Variants in GNAQ observed in about 807,000 individuals in gnomAD.
The protein encoded by GNAQ is guanine nucleotide-binding protein G(q) subunit alpha.
GNAQ carries 8 observed loss-of-function variants against 43.9 expected under a neutral mutation model. The ratio of observed to expected loss-of-function variants is 0.18; its 90% CI spans 0.11 to 0.33. GNAQ has a LOEUF of 0.33. GNAQ is among the 10% of genes least tolerant of loss of function. The probability of loss-of-function intolerance (pLI) is 1.00; values close to 1 mark genes in which losing one functional copy is unlikely to be tolerated. For missense variants in GNAQ, 158 were observed against 450.8 expected (o/e 0.35, Z 5.88); for synonymous variants, 155 against 170.7 (o/e 0.91, Z 0.71).
At chr9:77,902,259 C>T (rs1367798071) in intron 2 of GNAQ, among the ~76,000 whole-genome samples, 3 of 152,172 alleles carry the variant, frequency 2.0e-5, no homozygotes, top group Non-Finnish European at 4.4e-5. Context: ...ATTTTGTTTG[C>T]TTTTCACTTG....
intron 3 of GNAQ, among the ~76,000 whole-genome samples, chr9:77,810,086 G>T (rs1006005816): frequency 6.6e-6 from 1 of 152,060 alleles, no homozygotes; most frequent in Non-Finnish European, 1.5e-5. Context: ...GACAATGTTG[G>T]TAAAGATTAA....
chr9:77,722,077 C>T (rs2118193449), intron 6 of GNAQ, among the ~76,000 whole-genome samples: 1 of 152,126 alleles, frequency 6.6e-6, no homozygotes, highest in East Asian at 1.9e-4. Flanking sequence ...TTTCTGAGCA[C>T]ACTACATTTG....
At chr9:77,912,132 T>C (rs1480005880) in intron 2 of GNAQ, among the ~76,000 whole-genome samples, 1 of 152,222 alleles carries the variant, frequency 6.6e-6, no homozygotes, top group African/African-American at 2.4e-5. Flanking sequence ...GAGTGACTTC[T>C]ACTGCTGCCC....
intron 5 of GNAQ, among the ~76,000 whole-genome samples, chr9:77,755,281 G>A (rs1186089151): frequency 1.3e-5 from 2 of 152,092 alleles, no homozygotes; most frequent in African/African-American, 4.8e-5. Context: ...AATATAGTTA[G>A]ATAAAACGAA....
At chr9:77,922,982 G>A (rs961462310) in intron 1 of GNAQ, among the ~76,000 whole-genome samples, 3 of 151,746 alleles carry the variant, frequency 2.0e-5, no homozygotes, top group Admixed American at 2.0e-4. Flanking sequence ...CCCATAGCTG[G>A]AACTACAGGC....
At chr9:77,862,010 A>T (rs962847251) in intron 2 of GNAQ, among the ~76,000 whole-genome samples, 4 of 115,864 alleles carry the variant, frequency 3.5e-5, no homozygotes, top group East Asian at 2.4e-4. Context: ...GTCTGGGGTA[A>T]AAAAAAAAAA....
intron 1 of GNAQ, among the ~76,000 whole-genome samples, chr9:78,019,751 C>T (rs975135282): frequency 1.8e-4 from 28 of 151,738 alleles, no homozygotes; most frequent in Middle Eastern, 3.4e-3. Context: ...GGTGAAACCC[C>T]GTCTCTACTG....
chr9:77,837,526 C>A lies in GNAQ; in HGVS notation c.322-21756G>T, dbSNP rs140187859. Among the ~76,000 whole-genome samples the A allele has an allele frequency of 2.0e-3, 300 of 151,936 alleles. 1 individual carries two copies. The highest frequency in any genetic ancestry group is 2.8e-3 in the Non-Finnish European group (193 of 67,960). On this transcript the variant is annotated intron_variant, in intron 2 of 6. Transcript: ENST00000286548. ...CTGAGATTATGCCACTGCACTCTAG[C>A]CTGGGTGACAGAGTGAGACTCTGTC...
chr9:77,821,724 G>GGTGTGTGTGTGTGTGTGTGT (rs1554718670), intron 2 of GNAQ, among the ~76,000 whole-genome samples: 15 of 142,402 alleles, frequency 1.1e-4, no homozygotes, highest in African/African-American at 3.2e-4. Context: ...TCCTAGTATG[G>GGTGTGTGTGTGTGTGTGTGT]GTGTGTGTGT....
At chr9:77,973,983 C>A (rs923811915) in intron 1 of GNAQ, among the ~76,000 whole-genome samples, 1 of 152,106 alleles carries the variant, frequency 6.6e-6, no homozygotes, top group African/African-American at 2.4e-5. Flanking sequence ...TAGATTCTTA[C>A]AAAAACCTAG....
At chr9:77,745,767 G>GA (rs1437316887) in intron 5 of GNAQ, among the ~76,000 whole-genome samples, 1 of 151,018 alleles carries the variant, frequency 6.6e-6, no homozygotes, top group Non-Finnish European at 1.5e-5. Flanking sequence ...AATAAAAAAA[G>GA]AATTAGTCAA....
chr9:77,884,043 A>C (rs116610021), intron 2 of GNAQ, among the ~76,000 whole-genome samples: 1,632 of 152,370 alleles, frequency 0.011, 21 homozygotes, highest in African/African-American at 0.036. Flanking sequence ...CTCTAACTGC[A>C]GATAAAATCT....
chr9:77,968,473 A>G (rs977389616), intron 1 of GNAQ, among the ~76,000 whole-genome samples: 3 of 152,238 alleles, frequency 2.0e-5, no homozygotes, highest in East Asian at 3.8e-4. Context: ...TTTATTTACC[A>G]TACAGTTTCC....
intron 6 of GNAQ, among the ~76,000 whole-genome samples, chr9:77,724,894 T>A (rs968631): frequency 0.55 from 83,946 of 151,846 alleles, 26,782 homozygotes; most frequent in Non-Finnish European, 0.72. Context: ...ATATAATTAA[T>A]GTTCCATCTT....
intron 1 of GNAQ, among the ~76,000 whole-genome samples, chr9:77,934,220 C>A (rs887252726): frequency 1.3e-5 from 2 of 151,828 alleles, no homozygotes; most frequent in African/African-American, 4.8e-5. Flanking sequence ...TGAGGATGAG[C>A]GAATTGGCCT....
chr9:78,009,928 G>A (rs1640538953), intron 1 of GNAQ, among the ~76,000 whole-genome samples: 3 of 152,196 alleles, frequency 2.0e-5, no homozygotes. Flanking sequence ...GTGCAATGCT[G>A]TATCAAGAAA....
chr9:77,896,424 T>C lies in GNAQ; in HGVS notation c.321+25737A>G, dbSNP rs571033281. ...TCATTTATTCTACGTTTTAAAACTG[T>C]TTTACTGAAGTATTTCAGAGGAAGT... is the stretch of plus-strand genomic sequence containing the variant. On this transcript the variant is annotated intron_variant, in intron 2 of 6. Coordinates refer to ENST00000286548, the MANE Select transcript of GNAQ (RefSeq NM_002072.5). Among the ~76,000 whole-genome samples the C allele has an allele frequency of 2.0e-4, 31 of 152,336 alleles. 2 individuals are homozygous for C. In the South Asian group the frequency reaches 4.8e-3, roughly 23 times the overall value.
chr9:77,856,043 T>C (rs554387598), intron 2 of GNAQ, among the ~76,000 whole-genome samples: 11 of 152,150 alleles, frequency 7.2e-5, no homozygotes, highest in African/African-American at 2.4e-4. Context: ...TACCAACTAT[T>C]TGCTGAATGA....
At position 77,922,276 on chromosome 9, in the gene GNAQ, T is replaced by C; in HGVS notation, c.206A>G (p.Asp69Gly). ...CTTGGTGAAGCCCCTTTTATCTTCA[T>C]CAGAGTATCCTGACCCATGGATGAT... Reference protein sequence around the residue: ...MRIIHGSGYSDEDKRGFTKLV... With the variant: ...MRIIHGSGYSGEDKRGFTKLV... Residue 69 changes from aspartate (D) to glycine (G), a missense_variant, in exon 2 of 7, where the codon GAT becomes GGT. Around this residue, in one of 9 missense-constraint regions of GNAQ, gnomAD observed 57 missense variants for 78.2 expected, o/e 0.73. Coordinates refer to ENST00000286548, the MANE Select transcript of GNAQ (RefSeq NM_002072.5). The C allele has an allele frequency of 6.2e-7, 1 of 1,612,330 alleles. No homozygotes were observed. The highest frequency in any genetic ancestry group is 8.5e-7 in the Non-Finnish European group (1 of 1,178,354).
Sources: gnomAD v4.1 joint callset for allele counts (sites outside exome capture counted in the v4.1 genomes callset) on GRCh38, gnomAD v4.1.1 for gene constraint, gnomAD v4.1.1 regional missense constraint, MANE v1.5 for transcripts, NCBI Gene and HGNC (gene_info 2026-07-23, HGNC 2026-07-21) for gene names.